RIMBP2: variants seen among roughly 807,000 people sequenced by gnomAD.
RIMBP2 encodes the protein RIMS binding protein 2.
RIMBP2 carries 48 observed loss-of-function variants against 118.6 expected under a neutral mutation model. That is an observed-to-expected ratio of 0.40 (90% CI 0.32 to 0.51). RIMBP2 has a LOEUF of 0.51. Among genes scored for constraint, RIMBP2 ranks in the 20% least tolerant of loss-of-function variants. The pLI is 0.41. For synonymous variants in RIMBP2, 762 were observed against 742.9 expected (o/e 1.03, Z -0.42); for missense variants, 1,551 against 1,768.3 (o/e 0.88, Z 2.20).
chr12:130,590,938 T>A (rs1226893757), intron 2 of RIMBP2, among the ~76,000 whole-genome samples: 1 of 152,180 alleles, frequency 6.6e-6, no homozygotes, highest in Non-Finnish European at 1.5e-5. Flanking sequence ...CCAGAGCAAG[T>A]GCAGCCAGGG....
At chr12:130,639,630 T>C (rs2062523564) in intron 1 of RIMBP2, among the ~76,000 whole-genome samples, 1 of 152,042 alleles carries the variant, frequency 6.6e-6, no homozygotes, top group Non-Finnish European at 1.5e-5. Flanking sequence ...GATTTCCTCC[T>C]GGTCAGCAGG....
At chr12:130,679,911 G>A (rs927072405) in intron 1 of RIMBP2, among the ~76,000 whole-genome samples, 2 of 151,114 alleles carry the variant, frequency 1.3e-5, no homozygotes, top group Non-Finnish European at 2.9e-5. Flanking sequence ...GATCATGCAG[G>A]CAGTGTGTTC....
intron 1 of RIMBP2, among the ~76,000 whole-genome samples, chr12:130,712,656 C>G (rs1881061): frequency 4.2e-4 from 64 of 152,152 alleles, no homozygotes; most frequent in African/African-American, 1.3e-3. Context: ...ACAATACACT[C>G]TAAAATCATG....
At chr12:130,651,389 T>A (rs1435364169) in intron 1 of RIMBP2, 4 of 152,284 alleles carry the variant, frequency 2.6e-5, no homozygotes, top group African/African-American at 9.6e-5. Context: ...TGTCAACATC[T>A]CGGAGTTCTT....
chr12:130,705,681 A>G (rs1271897304), intron 1 of RIMBP2, among the ~76,000 whole-genome samples: 1 of 152,210 alleles, frequency 6.6e-6, no homozygotes, highest in African/African-American at 2.4e-5. Context: ...GCTGGAGCAC[A>G]CTGGGTATGG....
At chr12:130,411,164 G>A (rs2075684508) in intron 19 of RIMBP2, among the ~76,000 whole-genome samples, 2 of 152,184 alleles carry the variant, frequency 1.3e-5, no homozygotes, top group African/African-American at 4.8e-5. Flanking sequence ...CTCACATATG[G>A]AAATAGAACT....
chr12:130,563,966 T>C (rs377233342), intron 2 of RIMBP2, among the ~76,000 whole-genome samples: 1 of 151,420 alleles, frequency 6.6e-6, no homozygotes, highest in African/African-American at 2.4e-5. Context: ...TGCTACATTT[T>C]CCCCTCGCTC....
Position 130,620,558 on chromosome 12 carries a change from C to A in RIMBP2, c.-217+7764G>T, listed in dbSNP as rs1300533495. On this transcript the variant is annotated intron_variant, in intron 2 of 22. Transcript: ENST00000690449. This position sits in a 1 kb window ranked among gnomAD's most constrained non-coding sequence, Gnocchi z 5.3. Reference sequence around the variant, plus strand: ...CAGTCCCAGGGGCCAGATGCCCAAGCTCGGGGTGTCGGCAGGGCTGCTCCT... The same window carrying A: ...CAGTCCCAGGGGCCAGATGCCCAAGATCGGGGTGTCGGCAGGGCTGCTCCT... Among the ~76,000 whole-genome samples the A allele has an allele frequency of 3.3e-5, 5 of 152,198 alleles. No individual in the cohort carries two copies. The highest frequency in any genetic ancestry group is 7.3e-5 in the Non-Finnish European group (5 of 68,036).
At chr12:130,504,072 G>T (rs960434230) in intron 4 of RIMBP2, among the ~76,000 whole-genome samples, 5 of 152,176 alleles carry the variant, frequency 3.3e-5, no homozygotes, top group African/African-American at 1.2e-4. Context: ...GTCAGTTTCA[G>T]TATTGTTCTC....
chr12:130,558,209 G>A (rs2056530284), intron 2 of RIMBP2, among the ~76,000 whole-genome samples: 1 of 152,074 alleles, frequency 6.6e-6, no homozygotes, highest in African/African-American at 2.4e-5. Context: ...GGTTTTTTTA[G>A]CTGACAGCAT....
intron 1 of RIMBP2, among the ~76,000 whole-genome samples, chr12:130,685,411 A>T (rs2064993243): frequency 6.6e-6 from 1 of 152,236 alleles, no homozygotes. Context: ...GGAAGGCTGC[A>T]TGATTCCAGA....
At chr12:130,664,389 G>GCACA (rs559660899) in intron 1 of RIMBP2, among the ~76,000 whole-genome samples, 1 of 82,544 alleles carries the variant, frequency 1.2e-5, no homozygotes, top group East Asian at 3.2e-4. Flanking sequence ...GCACGCGCAT[G>GCACA]CACACACACG....
intron 4 of RIMBP2, among the ~76,000 whole-genome samples, chr12:130,487,231 G>A (rs1398902367): frequency 3.9e-5 from 6 of 152,186 alleles, no homozygotes; most frequent in African/African-American, 4.8e-5. Context: ...CCTTCACGGC[G>A]TGATGGGGTT....
chr12:130,456,852 AGT>A, intron 6 of RIMBP2, 152 bp from the exon 7 acceptor site: 2 of 620,154 alleles, frequency 3.2e-6, no homozygotes, highest in East Asian at 2.8e-5. Context: ...TGTGTGGTTG[AGT>A]GTGTGCATAT....
intron 2 of RIMBP2, among the ~76,000 whole-genome samples, chr12:130,522,030 C>T (rs1282848430): frequency 6.6e-6 from 1 of 152,190 alleles, no homozygotes; most frequent in Non-Finnish European, 1.5e-5. Context: ...AGGGCACTTC[C>T]TTACCTCCAC....
chr12:130,531,245 C>T (rs1189179551), intron 2 of RIMBP2, among the ~76,000 whole-genome samples: 1 of 152,112 alleles, frequency 6.6e-6, no homozygotes, highest in Non-Finnish European at 1.5e-5. Context: ...ACTCCATTAA[C>T]GTTTACAAAG....
intron 2 of RIMBP2, among the ~76,000 whole-genome samples, chr12:130,594,061 C>A (rs563708472): frequency 6.6e-6 from 1 of 152,288 alleles, no homozygotes; most frequent in East Asian, 1.9e-4. Flanking sequence ...TTCCTTTTAC[C>A]CTCCTAACAT....
At chr12:130,602,556 A>G (rs2059934806) in intron 2 of RIMBP2, among the ~76,000 whole-genome samples, 1 of 152,210 alleles carries the variant, frequency 6.6e-6, no homozygotes, top group Non-Finnish European at 1.5e-5. Flanking sequence ...GACTCCTGTA[A>G]GCGTGGGATG....
At chr12:130,575,886 C>A (rs2058050686) in intron 2 of RIMBP2, among the ~76,000 whole-genome samples, 1 of 152,184 alleles carries the variant, frequency 6.6e-6, no homozygotes, top group Admixed American at 6.5e-5. Context: ...TGGGAATGGG[C>A]AAACTGCACA....
Sources: allele counts gnomAD v4.1 joint callset (sites outside exome capture counted in the v4.1 genomes callset), GRCh38; gene constraint gnomAD v4.1.1; non-coding constraint Gnocchi (gnomAD v3.1); transcripts MANE v1.5; gene names NCBI Gene and HGNC (gene_info 2026-07-23, HGNC 2026-07-21).